The following B4GALT7 variants were observed in gnomAD, a reference collection of about 807,000 sequenced individuals.
B4GALT7 encodes the protein beta-1,4-galactosyltransferase 7.
A neutral mutation model predicts 33.0 loss-of-function variants in B4GALT7; 30 were observed. The ratio of observed to expected loss-of-function variants is 0.91; its 90% CI spans 0.68 to 1.23. The LOEUF (loss-of-function observed/expected upper bound fraction) is 1.23. Among genes scored for constraint, B4GALT7 ranks in the 50% most tolerant of loss-of-function variants. The pLI is 0.00. For synonymous variants in B4GALT7, 213 were observed against 187.2 expected (o/e 1.14, Z -1.13); for missense variants, 507 against 450.8 (o/e 1.12, Z -1.13).
Position 177,609,946 on chromosome 5 carries a change from C to T in B4GALT7, c.*251C>T, listed in dbSNP as rs74552905. 2 of 554,914 alleles carry T rather than the reference C, an allele frequency of 3.6e-6. No individual in the cohort carries two copies. Among genetic ancestry groups the T allele is most frequent in the Admixed American group, 3.1e-5 (1 of 32,730 alleles). The allele number at this position is 554,914 out of a possible 1,614,324, so 34.4% of individuals were successfully genotyped here. On this transcript the variant is annotated 3_prime_UTR_variant, in exon 6 of 6. Transcript: ENST00000029410. ...GGGGTGTGTCCTGTCCGGGACCCCC[C>T]CTGCCTTCCTGCTCACCCTACTCTG...
At chr5:177,605,144 T>C in intron 2 of B4GALT7, 2 of 408,580 alleles carry the variant, frequency 4.9e-6, no homozygotes, top group South Asian at 3.6e-5. Flanking sequence ...CCCTTTTCCC[T>C]GCCACCCTTC....
chr5:177,605,457 C>T (rs191983760), intron 2 of B4GALT7, among the ~76,000 whole-genome samples: 10 of 152,388 alleles, frequency 6.6e-5, no homozygotes, highest in African/African-American at 2.4e-4. Context: ...ATCTGTTCTC[C>T]TCATTCATCC....
rs1767829636 is a variant in B4GALT7, at chr5:177,600,975, G to C, written c.50+715G>C. Among the ~76,000 whole-genome samples the C allele has an allele frequency of 6.6e-6, 1 of 152,230 alleles. No individual in the cohort carries two copies. The highest frequency in any genetic ancestry group is 1.5e-5 in the Non-Finnish European group (1 of 68,044). ...GCTAATTTTGTTTCTCACTAAAGCA[G>C]AATGGGGAAAGCGATTTGACTGCCT... On this transcript the variant is annotated intron_variant, in intron 1 of 5. Coordinates refer to ENST00000029410, the MANE Select transcript of B4GALT7 (RefSeq NM_007255.3). The surrounding 1 kb of genome is among the most constrained non-coding windows in gnomAD (Gnocchi z 4.4).
At position 177,600,315 on chromosome 5, in the gene B4GALT7, G is replaced by T; in HGVS notation, c.50+55G>T. 7.9e-7 allele frequency: 1 copy of T among 1,268,354 alleles called. No individual in the cohort carries two copies. Among genetic ancestry groups the T allele is most frequent in the Non-Finnish European group, 1.0e-6 (1 of 997,664 alleles). The allele number at this position is 1,268,354 out of a possible 1,614,324, so 78.6% of individuals were successfully genotyped here. Reference sequence around the variant, plus strand: ...TCCTCCCGGGCGCCGCTCCCTTCTCGGCCGCCGGCGGAATCTGGGAACCCG... The same window carrying T: ...TCCTCCCGGGCGCCGCTCCCTTCTCTGCCGCCGGCGGAATCTGGGAACCCG... On this transcript the variant is annotated intron_variant, in intron 1 of 5. Coordinates refer to ENST00000029410, the MANE Select transcript of B4GALT7 (RefSeq NM_007255.3). The surrounding 1 kb of genome is among the most constrained non-coding windows in gnomAD (Gnocchi z 4.4).
chr5:177,604,654 CT>C, intron 2 of B4GALT7, 113 bp downstream of exon 2: 5 of 1,407,430 alleles, frequency 3.6e-6, no homozygotes, highest in African/African-American at 1.4e-5. Flanking sequence ...TGGCAGACCC[CT>C]CTCACTGGGT....
Position 177,608,886 on chromosome 5 carries a change from C to T in B4GALT7, c.724-24C>T, listed in dbSNP as rs746151718. ...GGGGCTCCAGGAAGGGCAGCCTGAC[C>T]CCGACTTCCTTGGACCTCCCTAGCT... On this transcript the variant is annotated intron_variant, in intron 4 of 5. Coordinates refer to ENST00000029410, the MANE Select transcript of B4GALT7 (RefSeq NM_007255.3). This position sits in a 1 kb window ranked among gnomAD's most constrained non-coding sequence, Gnocchi z 4.1. 7.5e-6 allele frequency: 12 copies of T among 1,602,248 alleles called. No homozygotes were observed. Among genetic ancestry groups the T allele is most frequent in the South Asian group, 5.5e-5 (5 of 90,828 alleles).
chr5:177,603,509 C>T (rs1417939553), intron 1 of B4GALT7: 12 of 369,418 alleles, frequency 3.2e-5, no homozygotes, highest in Admixed American at 6.4e-5. Flanking sequence ...CTCTCCATCT[C>T]CCATCTTTTA....
chr5:177,607,220 C>A (rs1768038766), intron 2 of B4GALT7, 82 bp from the exon 3 acceptor site: 3 of 1,278,406 alleles, frequency 2.3e-6, no homozygotes, highest in East Asian at 5.0e-5. Flanking sequence ...GCATAGGCAC[C>A]ATGGGGACCC....
rs1350241149 is a variant in B4GALT7 at position 177,606,622 on chromosome 5, G to A, written c.414-680G>A. On this transcript the variant is annotated intron_variant, in intron 2 of 5. Transcript: ENST00000029410. The surrounding 1 kb of genome is among the most constrained non-coding windows in gnomAD (Gnocchi z 4.2). Reference sequence around the variant, plus strand: ...ACAGTCTCTTCCAGCACAACAGCTAGGGCGGTCCTGTCCAGGCATAAGTCA... The same window carrying A: ...ACAGTCTCTTCCAGCACAACAGCTAAGGCGGTCCTGTCCAGGCATAAGTCA... 1 of 158,832 alleles carries A rather than the reference G, an allele frequency of 6.3e-6. No individual in the cohort carries two copies. The highest frequency in any genetic ancestry group is 1.4e-5 in the Non-Finnish European group (1 of 71,676). The allele number at this position is 158,832 out of a possible 1,614,324, so 9.8% of individuals were successfully genotyped here. A position where few individuals can be genotyped will look rare whatever the true frequency, so the allele number is the denominator to read the frequency against.
intron 1 of B4GALT7, chr5:177,603,479 C>A (rs918991203): frequency 1.9e-6 from 1 of 527,044 alleles, no homozygotes; most frequent in Non-Finnish European, 2.4e-6. Context: ...GTGCTGTACC[C>A]AGCCCTCATC....
chr5:177,600,204 C>T lies in B4GALT7; in HGVS notation c.-7C>T. On this transcript the variant is annotated 5_prime_UTR_variant, in exon 1 of 6. Coordinates refer to ENST00000029410, the MANE Select transcript of B4GALT7 (RefSeq NM_007255.3). This position sits in a 1 kb window ranked among gnomAD's most constrained non-coding sequence, Gnocchi z 4.4. ...GCCTGCCCCATGCGCCGCCGCCTCT[C>T]CGCACGATGTTCCCCTCGCGGAGGA... 7.3e-7 allele frequency: 1 copy of T among 1,379,252 alleles called. No homozygotes were observed. Among genetic ancestry groups the T allele is most frequent in the Non-Finnish European group, 9.4e-7 (1 of 1,059,808 alleles). The allele number at this position is 1,379,252 out of a possible 1,614,324, so 85.4% of individuals were successfully genotyped here.
In B4GALT7 at chr5:177,609,532, C is replaced by T; in HGVS notation, c.829-8C>T. ...TGAGTCCGTGCTCTTTCCTCTCTTC[C>T]TCCCCAGGAGCAGTTCAAGGTGGAC... On this transcript the variant is annotated splice_region_variant and splice_polypyrimidine_tract_variant and intron_variant, in intron 5 of 5. Transcript: ENST00000029410. 1 of 1,612,950 alleles carries T rather than the reference C, an allele frequency of 6.2e-7. No homozygotes were observed. Among genetic ancestry groups the T allele is most frequent in the Non-Finnish European group, 8.5e-7 (1 of 1,180,024 alleles).
At position 177,606,992 on chromosome 5, in the gene B4GALT7, C is replaced by T. The variant is rs1768033460; in HGVS notation, c.414-310C>T. ...CGCCCTCCTTGCCTGCTTTGCTTTTCCCCCCAGCACGAACCACTGCTGGCC... is the reference window on the plus strand; with the variant it reads ...CGCCCTCCTTGCCTGCTTTGCTTTTTCCCCCAGCACGAACCACTGCTGGCC... On this transcript the variant is annotated intron_variant, in intron 2 of 5. Transcript: ENST00000029410. This position sits in a 1 kb window ranked among gnomAD's most constrained non-coding sequence, Gnocchi z 4.2. 4.5e-6 allele frequency: 2 copies of T among 444,226 alleles called. No individual in the cohort carries two copies. Among genetic ancestry groups the T allele is most frequent in the South Asian group, 2.1e-5 (1 of 47,150 alleles). The allele number at this position is 444,226 out of a possible 1,614,324, so 27.5% of individuals were successfully genotyped here.
chr5:177,607,218 A>T, intron 2 of B4GALT7, 84 bp from the exon 3 acceptor site: 1 of 1,237,092 alleles, frequency 8.1e-7, no homozygotes, highest in Non-Finnish European at 1.1e-6. Flanking sequence ...CAGCATAGGC[A>T]CCATGGGGAC....
intron 1 of B4GALT7, chr5:177,603,351 G>C (rs926623866): frequency 3.0e-6 from 3 of 985,296 alleles, no homozygotes; most frequent in Non-Finnish European, 3.6e-6. Context: ...CCAGAGGAGC[G>C]GCAAAGGAAT....
In B4GALT7 at chr5:177,608,498, C is replaced by CCG. The variant is rs1768080677; in HGVS notation, c.640-41_640-40insCG. On this transcript the variant is annotated intron_variant, in intron 3 of 5. Transcript: ENST00000029410. The surrounding 1 kb of genome is among the most constrained non-coding windows in gnomAD (Gnocchi z 4.1). ...GTAGGAGACCAAAGGCCCCCCCCCC[C>CCG]GGGAAGATGGGCCGAGTGACGCTGC... The CCG allele has an allele frequency of 9.6e-6, 15 of 1,568,250 alleles. No homozygotes were observed. The highest frequency in any genetic ancestry group is 1.3e-5 in the Non-Finnish European group (15 of 1,141,672).
Position 177,604,544 on chromosome 5 carries a change from A to G in B4GALT7, c.413+3A>G, listed in dbSNP as rs1767931352. On this transcript the variant is annotated splice_donor_region_variant and intron_variant, in intron 2 of 5. Transcript: ENST00000029410. Reference sequence around the variant, plus strand: ...CTCAACCAGGTGGACCACTTCAGGTAGCGCCCGCCCCCACCCTCTCCCCTC... The same window carrying G: ...CTCAACCAGGTGGACCACTTCAGGTGGCGCCCGCCCCCACCCTCTCCCCTC... 2 of 1,613,530 alleles carry G rather than the reference A, an allele frequency of 1.2e-6. No homozygotes were observed. The highest frequency in any genetic ancestry group is 1.7e-6 in the Non-Finnish European group (2 of 1,179,928).
rs1767922278 is a variant in B4GALT7 at position 177,604,369 on chromosome 5, C to T, written c.241C>T (p.Pro81Ser). 2 of 1,613,112 alleles carry T rather than the reference C, an allele frequency of 1.2e-6. No individual in the cohort carries two copies. Among genetic ancestry groups the T allele is most frequent in the East Asian group, 2.2e-5 (1 of 44,848 alleles). The change falls in exon 2 of 6, where the codon CCT becomes TCT. Residue 81 changes from proline to serine, a missense_variant. Coordinates refer to ENST00000029410, the MANE Select transcript of B4GALT7 (RefSeq NM_007255.3). ...CCGTGCCTGCCCCCCAGAGCCGCCCCCTGAGCACTGGGAAGAAGACGCATC... is the reference window on the plus strand; with the variant it reads ...CCGTGCCTGCCCCCCAGAGCCGCCCTCTGAGCACTGGGAAGAAGACGCATC... Reference protein sequence around the residue: ...PPRACPPEPPPEHWEEDASWG... With the variant: ...PPRACPPEPPSEHWEEDASWG...
chr5:177,608,767 C>A lies in B4GALT7; in HGVS notation c.724-143C>A. On this transcript the variant is annotated intron_variant, in intron 4 of 5. Transcript: ENST00000029410. The surrounding 1 kb of genome is among the most constrained non-coding windows in gnomAD (Gnocchi z 4.1). ...AACCCTGCCCTGCATGGTCATCTAGCCAGTTCCTTGCCCTGTGGGCCCCAG... is the reference window on the plus strand; with the variant it reads ...AACCCTGCCCTGCATGGTCATCTAGACAGTTCCTTGCCCTGTGGGCCCCAG... The A allele has an allele frequency of 9.0e-7, 1 of 1,112,206 alleles. No homozygotes were observed. The highest frequency in any genetic ancestry group is 1.3e-6 in the Non-Finnish European group (1 of 745,858). The allele number at this position is 1,112,206 out of a possible 1,614,324, so 68.9% of individuals were successfully genotyped here. A position where few individuals can be genotyped will look rare whatever the true frequency, so the allele number is the denominator to read the frequency against.
Sources: allele counts gnomAD v4.1 joint callset (sites outside exome capture counted in the v4.1 genomes callset), GRCh38; gene constraint gnomAD v4.1.1; non-coding constraint Gnocchi (gnomAD v3.1); transcripts MANE v1.5; gene names NCBI Gene and HGNC (gene_info 2026-07-23, HGNC 2026-07-21).